Variants in MACROD2 observed in about 807,000 individuals in gnomAD.
The protein encoded by MACROD2 is mono-ADP ribosylhydrolase 2, also known as ADP-ribose glycohydrolase MACROD2.
Under a neutral mutation model 70.4 loss-of-function variants are expected in MACROD2, and 36 were observed. The ratio of observed to expected loss-of-function variants is 0.51; its 90% CI spans 0.39 to 0.68. The LOEUF is 0.68. MACROD2 is among the 30% of genes least tolerant of loss of function. The probability of loss-of-function intolerance (pLI) is 0.00; values close to 1 mark genes in which losing one functional copy is unlikely to be tolerated. For missense variants in MACROD2, 496 were observed against 538.4 expected, an observed-to-expected ratio of 0.92 and a Z score of 0.78; for synonymous variants, 172 against 178.8, an observed-to-expected ratio of 0.96 and a Z score of 0.30.
At chr20:14,342,385 G>T (rs549458380) in intron 3 of MACROD2, among the ~76,000 whole-genome samples, 1 of 151,924 alleles carries the variant, frequency 6.6e-6, no homozygotes, top group African/African-American at 2.4e-5. Context: ...TGTTAAAATT[G>T]CCAAAACATC....
chr20:15,181,009 T>A (rs1418297305), intron 5 of MACROD2, among the ~76,000 whole-genome samples: 1 of 152,192 alleles, frequency 6.6e-6, no homozygotes, highest in Non-Finnish European at 1.5e-5. Flanking sequence ...AAGTTACACA[T>A]GTTTTTATTG....
At chr20:15,700,408 A>T (rs1475555582) in intron 8 of MACROD2, among the ~76,000 whole-genome samples, 1 of 152,164 alleles carries the variant, frequency 6.6e-6, no homozygotes, top group Non-Finnish European at 1.5e-5. Flanking sequence ...GGGGCGTGGA[A>T]TCCCTGCTCT....
intron 6 of MACROD2, among the ~76,000 whole-genome samples, chr20:15,251,236 T>C (rs1033067063): frequency 6.6e-6 from 1 of 152,170 alleles, no homozygotes; most frequent in African/African-American, 2.4e-5. Context: ...TCAAAATGGA[T>C]TCCCTGCCAC....
intron 8 of MACROD2, among the ~76,000 whole-genome samples, chr20:15,568,457 A>G (rs762883502): frequency 5.3e-5 from 8 of 152,196 alleles, no homozygotes; most frequent in Non-Finnish European, 1.0e-4. Flanking sequence ...GTGTGTGTCA[A>G]CACCGTTGGC....
In MACROD2 at chr20:14,826,854, C is replaced by T. The variant is rs887180630; in HGVS notation, c.418+141895C>T. Among the ~76,000 whole-genome samples, 31 of 152,060 alleles carry T rather than the reference C, an allele frequency of 2.0e-4. 1 individual carries two copies. The highest frequency in any genetic ancestry group is 6.5e-4 in the African/African-American group (27 of 41,392). ...TTTATAATTTTAGCAATTCAGATTT[C>T]GTACATTTGAGGTTAGAAAATTCAG... is the stretch of plus-strand genomic sequence containing the variant. On this transcript the variant is annotated intron_variant, in intron 5 of 17. Transcript: ENST00000684519.
intron 6 of MACROD2, among the ~76,000 whole-genome samples, chr20:15,289,105 T>C (rs749124726): frequency 3.3e-5 from 5 of 152,058 alleles, no homozygotes; most frequent in African/African-American, 4.8e-5. Context: ...GCCTCACCCA[T>C]GGGATGGATG....
intron 7 of MACROD2, among the ~76,000 whole-genome samples, chr20:15,458,626 TG>T (rs367613669): frequency 0.053 from 7,847 of 148,224 alleles, 265 homozygotes; most frequent in Middle Eastern, 0.064. Context: ...TTTGTTTTTT[TG>T]TTTTTTTTTT....
At chr20:14,822,137 G>T (rs990399673) in intron 5 of MACROD2, among the ~76,000 whole-genome samples, 2 of 152,010 alleles carry the variant, frequency 1.3e-5, no homozygotes, top group African/African-American at 2.4e-5. Flanking sequence ...CTAGCATCTT[G>T]TACAAAACAA....
At chr20:14,028,953 A>G (rs554200008) in intron 2 of MACROD2, among the ~76,000 whole-genome samples, 28 of 152,290 alleles carry the variant, frequency 1.8e-4, no homozygotes, top group Middle Eastern at 3.4e-3. Context: ...AAAGTTGATG[A>G]TATAGCATAC....
At chr20:15,655,839 A>C (rs1212387715) in intron 8 of MACROD2, among the ~76,000 whole-genome samples, 1 of 152,230 alleles carries the variant, frequency 6.6e-6, no homozygotes, top group Non-Finnish European at 1.5e-5. Context: ...TATGGTGTAT[A>C]TCTTATGTAA....
chr20:15,537,024 T>A (rs956111449), intron 8 of MACROD2, among the ~76,000 whole-genome samples: 1 of 152,130 alleles, frequency 6.6e-6, no homozygotes, highest in Non-Finnish European at 1.5e-5. Context: ...ACTGATATGG[T>A]TTGGCCATGT....
At chr20:15,615,668 C>T (rs2049027438) in intron 8 of MACROD2, among the ~76,000 whole-genome samples, 1 of 152,150 alleles carries the variant, frequency 6.6e-6, no homozygotes, top group South Asian at 2.1e-4. Context: ...GGTCCAAGGG[C>T]CTGTGTCGGA....
At chr20:15,534,453 A>T (rs1028687299) in intron 8 of MACROD2, among the ~76,000 whole-genome samples, 1 of 152,182 alleles carries the variant, frequency 6.6e-6, no homozygotes, top group Non-Finnish European at 1.5e-5. Flanking sequence ...AAATAGCAAC[A>T]TGTTTTTCTC....
At chr20:14,609,052 A>C (rs1982994086) in intron 4 of MACROD2, among the ~76,000 whole-genome samples, 1 of 152,150 alleles carries the variant, frequency 6.6e-6, no homozygotes, top group African/African-American at 2.4e-5. Context: ...TGTGCCACAG[A>C]AAGCTGATTT....
intron 8 of MACROD2, among the ~76,000 whole-genome samples, chr20:15,802,154 A>C (rs958959915): frequency 1.4e-4 from 21 of 152,092 alleles, no homozygotes; most frequent in African/African-American, 5.1e-4. Context: ...GAAGGGACAA[A>C]TTGACTTCCT....
At chr20:15,044,211 AGT>A (rs1161320798) in intron 5 of MACROD2, among the ~76,000 whole-genome samples, 3 of 152,120 alleles carry the variant, frequency 2.0e-5, no homozygotes, top group Non-Finnish European at 2.9e-5. Context: ...GCCCATCAAG[AGT>A]AATCCTATTA....
rs1568747309 is a variant in MACROD2, at chr20:14,702,579, ATATATATGTATATATATG to A, written c.418+17622_418+17639del. On this transcript the variant is annotated intron_variant, in intron 5 of 17. Transcript: ENST00000684519. ...TATATATATATACACATATATGTGTATATATATGTATATATATGTGTGTATATATATGTGTATATATAT... is the reference window on the plus strand; with the variant it reads ...TATATATATATACACATATATGTGTATGTGTATATATATGTGTATATATAT... 3.1e-3 allele frequency among the ~76,000 whole-genome samples: 7 copies of A among 2,242 alleles called. 1 individual carries two copies. Among genetic ancestry groups the A allele is most frequent in the African/African-American group, 0.012 (7 of 562 alleles). 1.5% of individuals were successfully genotyped at this position (2,242 alleles called of 152,430 possible). A position where few individuals can be genotyped will look rare whatever the true frequency, so the allele number is the denominator to read the frequency against.
At chr20:15,356,377 A>C (rs974400537) in intron 6 of MACROD2, among the ~76,000 whole-genome samples, 2 of 152,242 alleles carry the variant, frequency 1.3e-5, no homozygotes, top group Non-Finnish European at 2.9e-5. Flanking sequence ...ATAATGTATC[A>C]AAATTTTATA....
intron 7 of MACROD2, among the ~76,000 whole-genome samples, chr20:15,433,231 A>C (rs2046385621): frequency 6.6e-6 from 1 of 151,964 alleles, no homozygotes; most frequent in South Asian, 2.1e-4. Flanking sequence ...AAGAAATAAA[A>C]GGCATCCAAG....
Sources: gnomAD v4.1 joint callset for allele counts (sites outside exome capture counted in the v4.1 genomes callset) on GRCh38, gnomAD v4.1.1 for gene constraint, MANE v1.5 for transcripts, NCBI Gene and HGNC (gene_info 2026-07-23, HGNC 2026-07-21) for gene names.